COA1: variants seen among roughly 807,000 people sequenced by gnomAD.
COA1 encodes cytochrome c oxidase assembly factor 1.
Under a neutral mutation model 16.0 loss-of-function variants are expected in COA1, and 13 were observed. The observed-to-expected ratio is 0.81, with a 90% confidence interval of 0.53 to 1.29. The LOEUF (loss-of-function observed/expected upper bound fraction) is 1.29. Among genes scored for constraint, COA1 ranks in the 50% most tolerant of loss-of-function variants. The pLI, the probability that COA1 is intolerant of heterozygous loss-of-function variation, is 0.00. For synonymous variants in COA1, 65 were observed against 65.7 expected (o/e 0.99, Z 0.05); for missense variants, 179 against 177.0 (o/e 1.01, Z -0.06).
intron 1 of COA1, chr7:43,659,183 T>G (rs2092164260): frequency 1.3e-5 from 2 of 152,174 alleles, no homozygotes; most frequent in Admixed American, 6.5e-5. Flanking sequence ...TGAAGCAGAA[T>G]TAACAGGACT....
intron 1 of COA1, among the ~76,000 whole-genome samples, chr7:43,691,044 C>G (rs1318161260): frequency 8.9e-6 from 1 of 111,822 alleles, no homozygotes; most frequent in Non-Finnish European, 1.7e-5. Flanking sequence ...ATAGCGAGAC[C>G]TCATCACTAC....
chr7:43,713,615 T>C (rs2095315160), intron 1 of COA1, among the ~76,000 whole-genome samples: 1 of 152,204 alleles, frequency 6.6e-6, no homozygotes, highest in Admixed American at 6.5e-5. Context: ...GTAACTGTTT[T>C]TTTCCCCTGC....
chr7:43,636,568 TG>T (rs1183322834), downstream of COA1, among the ~76,000 whole-genome samples: 1 of 152,250 alleles, frequency 6.6e-6, no homozygotes, highest in Non-Finnish European at 1.5e-5. Flanking sequence ...AGCATTTCCC[TG>T]GCCTTGCTGG....
At chr7:43,647,753 G>T in intron 2 of COA1, 119 bp from the exon 3 acceptor site, 1 of 709,688 alleles carries the variant, frequency 1.4e-6, no homozygotes, top group Non-Finnish European at 2.4e-6. Flanking sequence ...AGGCCAGACC[G>T]CCCTCCCTCA....
rs540638738 is a variant in COA1, at chr7:43,699,452, A to T, written c.-39+29977T>A. On this transcript the variant is annotated intron_variant, in intron 1 of 5. Transcript: ENST00000223336. ...AGCCAACCTACTATTTGTTTTTTTT[A>T]AAAAGTGAAGATGTTTTAAGTACTA... 9.1e-4 allele frequency among the ~76,000 whole-genome samples: 138 copies of T among 152,216 alleles called. No individual in the cohort carries two copies. The Middle Eastern group carries it at 0.014, about 15-fold the overall frequency.
At chr7:43,722,176 G>A (rs1413814089) in intron 1 of COA1, among the ~76,000 whole-genome samples, 1 of 147,340 alleles carries the variant, frequency 6.8e-6, no homozygotes, top group African/African-American at 2.5e-5. Context: ...CTACAGCCTC[G>A]ACCTCCCAGA....
intron 6 of COA1, chr7:43,626,141 C>T (rs962044777): frequency 2.0e-5 from 3 of 152,100 alleles, no homozygotes; most frequent in East Asian, 1.9e-4. Flanking sequence ...TGCTGTGTAC[C>T]GTGGCCATGC....
chr7:43,639,744 A>G (rs778591333), intron 5 of COA1, 63 bp from the exon 6 acceptor site: 135 of 1,294,412 alleles, frequency 1.0e-4, no homozygotes, highest in Admixed American at 1.7e-4. Flanking sequence ...GCCGTAGTCA[A>G]AAAAAGGGGC....
At chr7:43,705,218 C>T (rs1219013860) in intron 1 of COA1, among the ~76,000 whole-genome samples, 5 of 152,226 alleles carry the variant, frequency 3.3e-5, no homozygotes, top group Non-Finnish European at 7.3e-5. Flanking sequence ...AACAACACTC[C>T]GATGGCAGCT....
rs149930447 is a variant in COA1 at position 43,723,784 on chromosome 7, C to T, written c.-39+5645G>A. 7.9e-5 allele frequency among the ~76,000 whole-genome samples: 12 copies of T among 151,974 alleles called. No homozygotes were observed. The East Asian group carries it at 1.7e-3, about 22-fold the overall frequency. ...TCAACAAAAAATATAAAAATTAGCC[C>T]GGCGTGGTGGCATGTGCCTGTAGTC... On this transcript the variant is annotated intron_variant, in intron 1 of 5. Coordinates refer to ENST00000223336, the MANE Select transcript of COA1 (RefSeq NM_018224.4).
At chr7:43,632,587 T>A (rs2085289343) in intron 6 of COA1, 1 of 152,264 alleles carries the variant, frequency 6.6e-6, no homozygotes, top group Non-Finnish European at 1.5e-5. Flanking sequence ...CAAAAGTACT[T>A]CTTGATCTAT....
chr7:43,657,345 T>C (rs2091872727), intron 1 of COA1: 1 of 152,246 alleles, frequency 6.6e-6, no homozygotes, highest in Non-Finnish European at 1.5e-5. Flanking sequence ...ATAGTGGAAC[T>C]ATCTTCTCAT....
chr7:43,706,861 C>A (rs921735937), intron 1 of COA1, among the ~76,000 whole-genome samples: 12 of 148,236 alleles, frequency 8.1e-5, no homozygotes, highest in African/African-American at 2.7e-4. Context: ...CAGAGAAAGA[C>A]CTTGTCTCAA....
chr7:43,711,088 A>AT (rs2095232748), intron 1 of COA1, among the ~76,000 whole-genome samples: 1 of 151,830 alleles, frequency 6.6e-6, no homozygotes, highest in African/African-American at 2.4e-5. Flanking sequence ...CCCATCCCAC[A>AT]TTTTTTACAA....
chr7:43,633,257 T>G (rs552964086), intron 6 of COA1: 1 of 152,380 alleles, frequency 6.6e-6, no homozygotes, highest in East Asian at 1.9e-4. Flanking sequence ...TGTACTTTTA[T>G]GGAGATGGCT....
Position 43,700,713 on chromosome 7 carries a change from A to G in COA1, c.-39+28716T>C, listed in dbSNP as rs528675581. ...AATAGTCCTATTTTAAAGAAAAAAC[A>G]AACTGGCAAATGTTGTTTATAGTTT... On this transcript the variant is annotated intron_variant, in intron 1 of 5. Transcript: ENST00000223336. Among the ~76,000 whole-genome samples, 13 of 152,106 alleles carry G rather than the reference A, an allele frequency of 8.5e-5. No individual in the cohort carries two copies. In the South Asian group the frequency reaches 2.7e-3, roughly 32 times the overall value.
chr7:43,674,416 A>G (rs1262801198), intron 1 of COA1, among the ~76,000 whole-genome samples: 3 of 152,234 alleles, frequency 2.0e-5, no homozygotes, highest in Admixed American at 6.5e-5. Flanking sequence ...TCCATATAAT[A>G]CAACGTTTGG....
chr7:43,610,122 G>A (rs1052686327), intron 6 of COA1, among the ~76,000 whole-genome samples: 25 of 150,072 alleles, frequency 1.7e-4, no homozygotes, highest in African/African-American at 7.4e-5. Context: ...CGAGGTGGGC[G>A]GATCACAAGG....
chr7:43,694,233 A>G lies in COA1; in HGVS notation c.-39+35196T>C, dbSNP rs570748197. ...CTCTATATTAGTCACATCAGCATCA[A>G]AAACACTATAATAGCTCCCATCTTT... is the stretch of plus-strand genomic sequence containing the variant. On this transcript the variant is annotated intron_variant, in intron 1 of 5. Coordinates refer to ENST00000223336, the MANE Select transcript of COA1 (RefSeq NM_018224.4). 2.7e-3 allele frequency among the ~76,000 whole-genome samples: 406 copies of G among 149,192 alleles called. 1 individual carries two copies. Among genetic ancestry groups the G allele is most frequent in the African/African-American group, 9.3e-3 (378 of 40,734 alleles).
Sources: allele counts gnomAD v4.1 joint callset (sites outside exome capture counted in the v4.1 genomes callset), GRCh38; gene constraint gnomAD v4.1.1; transcripts MANE v1.5; gene names NCBI Gene and HGNC (gene_info 2026-07-23, HGNC 2026-07-21).